SLC12A2: variants seen among roughly 807,000 people sequenced by gnomAD.
SLC12A2 encodes Na-K-2Cl cotransporter 1.
In SLC12A2, 67 loss-of-function variants were observed where a neutral mutation model predicts 136.3. The ratio of observed to expected loss-of-function variants is 0.49; its 90% CI spans 0.40 to 0.60. SLC12A2 has a LOEUF of 0.60. SLC12A2 is among the 20% of genes least tolerant of loss of function. The pLI is 0.00. For synonymous variants in SLC12A2, 619 were observed against 562.9 expected (o/e 1.10, Z -1.41); for missense variants, 1,322 against 1,534.7 (o/e 0.86, Z 2.32).
chr5:128,114,421 G>A, intron 3 of SLC12A2, 134 bp downstream of exon 3: 1 of 826,964 alleles, frequency 1.2e-6, no homozygotes. Context: ...TTATCTTGAT[G>A]TTCCTTTTTT....
intron 4 of SLC12A2, among the ~76,000 whole-genome samples, chr5:128,123,560 T>A (rs780889783): frequency 6.6e-6 from 1 of 152,210 alleles, no homozygotes; most frequent in Non-Finnish European, 1.5e-5. Flanking sequence ...AGTTTTCATT[T>A]GTGCTTCCAT....
At chr5:128,163,528 C>CA (rs941548864) in intron 17 of SLC12A2, among the ~76,000 whole-genome samples, 173 of 142,816 alleles carry the variant, frequency 1.2e-3, no homozygotes, top group African/African-American at 1.3e-3. Flanking sequence ...GACCCCATCT[C>CA]AAAAAAAAAA....
intron 18 of SLC12A2, among the ~76,000 whole-genome samples, chr5:128,171,282 T>G (rs1021893763): frequency 2.0e-5 from 3 of 152,136 alleles, no homozygotes; most frequent in African/African-American, 7.2e-5. Flanking sequence ...ATCAAGGTTT[T>G]TGTGTGTGTG....
At chr5:128,097,344 A>G (rs148287576) in intron 1 of SLC12A2, among the ~76,000 whole-genome samples, 1 of 152,216 alleles carries the variant, frequency 6.6e-6, no homozygotes, top group African/African-American at 2.4e-5. Context: ...ATTAGTAAAT[A>G]ATCAGTTTCC....
At chr5:128,143,341 G>C (rs1762430398) in intron 10 of SLC12A2, among the ~76,000 whole-genome samples, 1 of 152,114 alleles carries the variant, frequency 6.6e-6, no homozygotes, top group Admixed American at 6.5e-5. Flanking sequence ...CTCATATAAA[G>C]TCATGCAGCA....
At chr5:128,126,966 A>ATATATATATATATATATATTTTT in intron 4 of SLC12A2, among the ~76,000 whole-genome samples, 1 of 21,156 alleles carries the variant, frequency 4.7e-5, no homozygotes, top group African/African-American at 2.5e-4. Flanking sequence ...ATATATATAT[A>ATATATATATATATATATATTTTT]TTTTTTTTTT....
Position 128,171,694 on chromosome 5 carries a change from A to C in SLC12A2, c.2751A>C (p.Val917=). Residue 917 remains valine, a synonymous_variant, in exon 19 of 27, where the codon GTA becomes GTC. Coordinates refer to ENST00000262461, the MANE Select transcript of SLC12A2 (RefSeq NM_001046.3). ...FHDAFDIQYG[V]VVIRLKEGLD... is the part of the protein sequence containing the mutation. The stretch of plus-strand genomic sequence containing the variant: ...ATGCTTTTGACATACAATATGGAGT[A>C]GTGGTTATTCGCCTAAAAGAAGGTC... 1 of 1,587,888 alleles carries C rather than the reference A, an allele frequency of 6.3e-7. No homozygotes were observed. Among genetic ancestry groups the C allele is most frequent in the Non-Finnish European group, 8.5e-7 (1 of 1,171,668 alleles).
rs554717117 is a variant in SLC12A2 at position 128,085,957 on chromosome 5, A to G, written c.756+1247A>G. On this transcript the variant is annotated intron_variant, in intron 1 of 26. Transcript: ENST00000262461. ...CATAATCAGAAGCAAAACAATGTCTAAAACATTTTTTATTCATACTCCTGT... is the reference window on the plus strand; with the variant it reads ...CATAATCAGAAGCAAAACAATGTCTGAAACATTTTTTATTCATACTCCTGT... Among the ~76,000 whole-genome samples, 223 of 152,360 alleles carry G rather than the reference A, an allele frequency of 1.5e-3. 2 individuals carry two copies. In the Middle Eastern group the frequency reaches 0.02, roughly 14 times the overall value.
At position 128,083,847 on chromosome 5, in the gene SLC12A2, C is replaced by T. The variant is rs984797950; in HGVS notation, c.-108C>T. The T allele has an allele frequency of 7.2e-6, 6 of 831,232 alleles. No homozygotes were observed. In the South Asian group the frequency reaches 1.9e-4, roughly 26 times the overall value. The allele number at this position is 831,232 out of a possible 1,614,324, so 51.5% of individuals were successfully genotyped here. A position where few individuals can be genotyped will look rare whatever the true frequency, so the allele number is the denominator to read the frequency against. ...GGCCCGCAGGCGGCGGGGAGAAAGA[C>T]TCTCTCACCTGGTCTTGCGGCTGTG... On this transcript the variant is annotated 5_prime_UTR_variant, in exon 1 of 27. Coordinates refer to ENST00000262461, the MANE Select transcript of SLC12A2 (RefSeq NM_001046.3).
rs193293033 is a variant in SLC12A2, at chr5:128,105,316, A to G, written c.757-7498A>G. ...GAGCTATGAGTCTGGTACGATAACC[A>G]TGGAAAATACGGGATGAGCAAGGGA... On this transcript the variant is annotated intron_variant, in intron 1 of 26. Transcript: ENST00000262461. Among the ~76,000 whole-genome samples the G allele has an allele frequency of 3.9e-5, 6 of 152,304 alleles. No homozygotes were observed. The East Asian group carries it at 1.2e-3, about 29-fold the overall frequency.
chr5:128,171,722 G>A lies in SLC12A2; in HGVS notation c.2779G>A (p.Asp927Asn), dbSNP rs1329459850. 11 of 1,584,804 alleles carry A rather than the reference G, an allele frequency of 6.9e-6. No individual in the cohort carries two copies. Among genetic ancestry groups the A allele is most frequent in the Non-Finnish European group, 9.4e-6 (11 of 1,169,350 alleles). ...VVVIRLKEGL[D>N]ISHLQGQEEL... is the part of the protein sequence containing the mutation. ...GGTTATTCGCCTAAAAGAAGGTCTG[G>A]ATATATCTCATCTTCAAGGACAAGG... Residue 927 changes from aspartate (D) to asparagine (N), a missense_variant, in exon 19 of 27, where the codon GAT (aspartate) becomes AAT (asparagine). Physicochemically the swap from Asp to Asn is conservative, Grantham distance 23. Transcript: ENST00000262461.
chr5:128,150,289 A>G (rs1561688649), intron 13 of SLC12A2, among the ~76,000 whole-genome samples, 191 bp downstream of exon 13: 1 of 151,818 alleles, frequency 6.6e-6, no homozygotes, highest in Non-Finnish European at 1.5e-5. Context: ...ATTGTTTCTT[A>G]TCTTCAAAGC....
At chr5:128,129,347 C>T (rs1179798305) in intron 4 of SLC12A2, among the ~76,000 whole-genome samples, 1 of 151,862 alleles carries the variant, frequency 6.6e-6, no homozygotes, top group African/African-American at 2.4e-5. Context: ...GTAATATAGT[C>T]AAAGATCTTT....
At position 128,083,885 on chromosome 5, in the gene SLC12A2, C is replaced by T; in HGVS notation, c.-70C>T. On this transcript the variant is annotated 5_prime_UTR_variant, in exon 1 of 27. Coordinates refer to ENST00000262461, the MANE Select transcript of SLC12A2 (RefSeq NM_001046.3). Reference sequence around the variant, plus strand: ...TCTTGCGGCTGTGGCCACCGCCGGCCAGGGGTGTGGAGGGCGTGCTGCCGG... The same window carrying T: ...TCTTGCGGCTGTGGCCACCGCCGGCTAGGGGTGTGGAGGGCGTGCTGCCGG... The T allele has an allele frequency of 8.8e-7, 1 of 1,136,900 alleles. No individual in the cohort carries two copies. The highest frequency in any genetic ancestry group is 4.4e-5 in the South Asian group (1 of 22,536). 70.4% of individuals were successfully genotyped at this position (1,136,900 alleles called of 1,614,324 possible).
At chr5:128,184,746 T>G in intron 25 of SLC12A2, 43 bp from the exon 26 acceptor site, 1 of 1,609,730 alleles carries the variant, frequency 6.2e-7, no homozygotes, top group Non-Finnish European at 8.5e-7. Context: ...GCTAAATTCT[T>G]ATTTCCACAT....
At chr5:128,111,899 G>T (rs570197465) in intron 1 of SLC12A2, among the ~76,000 whole-genome samples, 8 of 151,540 alleles carry the variant, frequency 5.3e-5, no homozygotes, top group Admixed American at 1.3e-4. Context: ...TAAAAATTTA[G>T]TTGGTTCTTC....
intron 14 of SLC12A2, 34 bp from the exon 15 acceptor site, chr5:128,152,672 A>T (rs1363034689): frequency 1.3e-5 from 17 of 1,300,904 alleles, no homozygotes; most frequent in African/African-American, 2.9e-5. Flanking sequence ...GTTATTACTG[A>T]TGTTAATGCT....
chr5:128,104,664 T>G (rs1760868087), intron 1 of SLC12A2, among the ~76,000 whole-genome samples: 1 of 129,954 alleles, frequency 7.7e-6, no homozygotes, highest in African/African-American at 3.4e-5. Context: ...TATATATAGA[T>G]ATATAGATAT....
In SLC12A2 at chr5:128,083,854, A is replaced by C. The variant is rs539518879; in HGVS notation, c.-101A>C. 1 of 873,080 alleles carries C rather than the reference A, an allele frequency of 1.1e-6. No individual in the cohort carries two copies. The highest frequency in any genetic ancestry group is 3.5e-5 in the East Asian group (1 of 28,276). The allele number at this position is 873,080 out of a possible 1,614,324, so 54.1% of individuals were successfully genotyped here. ...AGGCGGCGGGGAGAAAGACTCTCTC[A>C]CCTGGTCTTGCGGCTGTGGCCACCG... On this transcript the variant is annotated 5_prime_UTR_variant, in exon 1 of 27. Transcript: ENST00000262461.
Sources: gnomAD v4.1 joint callset for allele counts (sites outside exome capture counted in the v4.1 genomes callset) on GRCh38, gnomAD v4.1.1 for gene constraint, MANE v1.5 for transcripts, NCBI Gene and HGNC (gene_info 2026-07-23, HGNC 2026-07-21) for gene names.